HS2ST1: variants seen among roughly 807,000 people sequenced by gnomAD.
The protein encoded by HS2ST1 is heparan sulfate 2-O-sulfotransferase 1.
Under a neutral mutation model 42.9 loss-of-function variants are expected in HS2ST1, and 18 were observed. The ratio of observed to expected loss-of-function variants is 0.42; its 90% CI spans 0.29 to 0.62. The LOEUF (loss-of-function observed/expected upper bound fraction) is 0.62, where lower values mean the gene tolerates loss of function less well. Among genes scored for constraint, HS2ST1 ranks in the 20% least tolerant of loss-of-function variants. HS2ST1 has a pLI of 0.21. For missense variants in HS2ST1, 334 were observed against 433.8 expected, an observed-to-expected ratio of 0.77 and a Z score of 2.04; for synonymous variants, 146 against 152.9, an observed-to-expected ratio of 0.95 and a Z score of 0.33.
intron 4 of HS2ST1, among the ~76,000 whole-genome samples, chr1:87,095,290 G>A (rs113748983): frequency 0.015 from 2,358 of 152,276 alleles, 64 homozygotes; most frequent in African/African-American, 0.054. Flanking sequence ...TCTCAAAAAT[G>A]TGTAGATAGC....
chr1:86,969,891 C>T (rs749128488), intron 1 of HS2ST1, among the ~76,000 whole-genome samples: 1 of 151,818 alleles, frequency 6.6e-6, no homozygotes, highest in African/African-American at 2.4e-5. Context: ...TTTGGGAGGC[C>T]GAGGCAGGTG....
At chr1:86,938,201 C>A (rs568779668) in intron 1 of HS2ST1, among the ~76,000 whole-genome samples, 214 of 152,242 alleles carry the variant, frequency 1.4e-3, no homozygotes, top group African/African-American at 5.1e-3. Context: ...TTAGAGACAT[C>A]TCTTTTTCCC....
At chr1:87,079,026 T>G (rs1416386009) in intron 2 of HS2ST1, among the ~76,000 whole-genome samples, 1 of 152,194 alleles carries the variant, frequency 6.6e-6, no homozygotes, top group Non-Finnish European at 1.5e-5. Context: ...AATAAAACTT[T>G]TAAAAGTACT....
rs2100660035 is a variant in HS2ST1 at position 87,106,504 on chromosome 1, A to T, written c.*1808A>T. Reference sequence around the variant, plus strand: ...ACCATACTGTAAGCATTTTAGGTAGATTGCCTTAAAGGTTATGGGAGGGCA... The same window carrying T: ...ACCATACTGTAAGCATTTTAGGTAGTTTGCCTTAAAGGTTATGGGAGGGCA... On this transcript the variant is annotated 3_prime_UTR_variant, in exon 7 of 7. Transcript: ENST00000370550. 6.6e-6 allele frequency: 1 copy of T among 152,212 alleles called. No individual in the cohort carries two copies. The highest frequency in any genetic ancestry group is 3.4e-3 in the Middle Eastern group (1 of 294). 9.4% of individuals were successfully genotyped at this position (152,212 alleles called of 1,614,324 possible).
chr1:87,017,847 C>T (rs969271687), intron 1 of HS2ST1, among the ~76,000 whole-genome samples: 3 of 151,848 alleles, frequency 2.0e-5, no homozygotes, highest in South Asian at 2.1e-4. Flanking sequence ...CCTATGTTTC[C>T]GAGGGAAAAC....
chr1:86,957,007 A>G (rs941880712), intron 1 of HS2ST1, among the ~76,000 whole-genome samples: 1 of 152,240 alleles, frequency 6.6e-6, no homozygotes, highest in Admixed American at 6.5e-5. Flanking sequence ...TGGTAATGCC[A>G]TGAAAAGACC....
At chr1:87,060,158 G>A (rs1651081906) in intron 1 of HS2ST1, among the ~76,000 whole-genome samples, 1 of 152,112 alleles carries the variant, frequency 6.6e-6, no homozygotes, top group African/African-American at 2.4e-5. Flanking sequence ...TTCACAGGAA[G>A]TTGCAAAGAT....
chr1:87,010,275 G>A (rs1447988479), intron 1 of HS2ST1, among the ~76,000 whole-genome samples: 3 of 151,692 alleles, frequency 2.0e-5, no homozygotes, highest in African/African-American at 7.3e-5. Context: ...CATCCCTACT[G>A]TTTATGGCAG....
intron 1 of HS2ST1, among the ~76,000 whole-genome samples, chr1:86,935,869 C>T (rs1419869066): frequency 3.3e-5 from 5 of 152,066 alleles, no homozygotes; most frequent in Admixed American, 6.6e-5. Flanking sequence ...ATGAAAGTTG[C>T]GCAGATAGTA....
intron 1 of HS2ST1, among the ~76,000 whole-genome samples, chr1:86,971,330 G>A (rs753902610): frequency 2.0e-5 from 3 of 152,032 alleles, no homozygotes; most frequent in East Asian, 1.9e-4. Context: ...AAACCTTGGC[G>A]GTTTAGTTAT....
chr1:87,092,757 A>T, intron 4 of HS2ST1, 88 bp downstream of exon 4: 2 of 845,600 alleles, frequency 2.4e-6, no homozygotes, highest in Non-Finnish European at 3.2e-6. Flanking sequence ...TGTTAATTAT[A>T]AATTTATTAC....
intron 1 of HS2ST1, among the ~76,000 whole-genome samples, chr1:86,921,397 G>T (rs941400799): frequency 4.0e-5 from 6 of 151,868 alleles, no homozygotes; most frequent in Admixed American, 6.6e-5. Flanking sequence ...TTTTATACAA[G>T]ATACCATCTT....
chr1:86,981,319 A>C (rs780028361), intron 1 of HS2ST1, among the ~76,000 whole-genome samples: 16 of 152,224 alleles, frequency 1.1e-4, no homozygotes, highest in Non-Finnish European at 2.1e-4. Context: ...ACCCCTCCCA[A>C]ATCTCATGTC....
Position 86,944,251 on chromosome 1 carries a change from T to C in HS2ST1, c.124+29091T>C, listed in dbSNP as rs1032256336. On this transcript the variant is annotated intron_variant, in intron 1 of 6. Coordinates refer to ENST00000370550, the MANE Select transcript of HS2ST1 (RefSeq NM_012262.4). ...CAGGGAACTTCTGAGGGTATAACTT[T>C]TGAGGTAGAGTGGGTGATAAATTTG... Among the ~76,000 whole-genome samples, 15 of 152,172 alleles carry C rather than the reference T, an allele frequency of 9.9e-5. 1 individual carries two copies. Among genetic ancestry groups the C allele is most frequent in the Non-Finnish European group, 2.1e-4 (14 of 68,022 alleles).
intron 1 of HS2ST1, among the ~76,000 whole-genome samples, chr1:86,926,887 T>G (rs1660433410): frequency 6.6e-6 from 1 of 152,192 alleles, no homozygotes; most frequent in Non-Finnish European, 1.5e-5. Flanking sequence ...TCCTCCTTCC[T>G]TATAGAAGTT....
At chr1:86,918,537 A>G (rs1311111254) in intron 1 of HS2ST1, among the ~76,000 whole-genome samples, 2 of 151,998 alleles carry the variant, frequency 1.3e-5, no homozygotes, top group South Asian at 2.1e-4. Context: ...TCTTGGTATT[A>G]TAAACAATTA....
At chr1:87,024,596 A>G (rs1034968590) in intron 1 of HS2ST1, among the ~76,000 whole-genome samples, 1 of 152,162 alleles carries the variant, frequency 6.6e-6, no homozygotes, top group African/African-American at 2.4e-5. Flanking sequence ...TGAGCAAGAA[A>G]CATAACCTTT....
Position 87,046,528 on chromosome 1 carries a change from T to C in HS2ST1, c.125-26406T>C, listed in dbSNP as rs907177881. ...CAGTTAAACTTTTTACCAAGCTTTT[T>C]AAAGATGACATCAGGTATCTGTTGA... is the stretch of plus-strand genomic sequence containing the variant. On this transcript the variant is annotated intron_variant, in intron 1 of 6. Coordinates refer to ENST00000370550, the MANE Select transcript of HS2ST1 (RefSeq NM_012262.4). The C allele has an allele frequency of 2.0e-5, 31 of 1,534,892 alleles. No individual in the cohort carries two copies. The Middle Eastern group carries it at 5.3e-4, about 26-fold the overall frequency.
intron 3 of HS2ST1, among the ~76,000 whole-genome samples, chr1:87,088,066 G>A (rs1410947101): frequency 6.6e-6 from 1 of 152,062 alleles, no homozygotes; most frequent in Non-Finnish European, 1.5e-5. Flanking sequence ...TGTGCCTCAC[G>A]CAGAGCAGTA....
Sources: allele counts gnomAD v4.1 joint callset (sites outside exome capture counted in the v4.1 genomes callset), GRCh38; gene constraint gnomAD v4.1.1; transcripts MANE v1.5; gene names NCBI Gene and HGNC (gene_info 2026-07-23, HGNC 2026-07-21).